Variants in FYTTD1 observed in about 807,000 individuals in gnomAD.
The protein encoded by FYTTD1 is UAP56-interacting factor.
FYTTD1 carries 22 observed loss-of-function variants against 40.9 expected under a neutral mutation model. The ratio of observed to expected loss-of-function variants is 0.54; its 90% CI spans 0.38 to 0.77. The LOEUF (loss-of-function observed/expected upper bound fraction) is 0.77. Among genes scored for constraint, FYTTD1 ranks in the 30% least tolerant of loss-of-function variants. The pLI is 0.00. For synonymous variants in FYTTD1, 140 were observed against 137.9 expected (o/e 1.01, Z -0.10); for missense variants, 351 against 392.2 (o/e 0.90, Z 0.89).
chr3:197,765,133 G>A (rs114729878), intron 2 of FYTTD1, among the ~76,000 whole-genome samples: 3 of 152,120 alleles, frequency 2.0e-5, no homozygotes, highest in South Asian at 2.1e-4. Context: ...AATTACAGGC[G>A]TGAGCCACGG....
At chr3:197,781,586 G>A (rs1304869141) in intron 8 of FYTTD1, among the ~76,000 whole-genome samples, 1 of 152,136 alleles carries the variant, frequency 6.6e-6, no homozygotes, top group East Asian at 1.9e-4. Context: ...AATTCAGATA[G>A]GGGCTTTGGG....
chr3:197,750,380 C>G (rs1389789016), intron 1 of FYTTD1: 5 of 1,098,402 alleles, frequency 4.6e-6, no homozygotes, highest in African/African-American at 3.3e-5. Flanking sequence ...CTCTTCTCCC[C>G]GGAGGGGCTA....
At chr3:197,752,338 G>C (rs183442917) in intron 1 of FYTTD1, among the ~76,000 whole-genome samples, 3 of 152,302 alleles carry the variant, frequency 2.0e-5, no homozygotes, top group Admixed American at 2.0e-4. Flanking sequence ...TCTGTAGAAA[G>C]GTGACAGTAA....
At chr3:197,780,547 T>A (rs1314778186) in intron 8 of FYTTD1, among the ~76,000 whole-genome samples, 4 of 140,020 alleles carry the variant, frequency 2.9e-5, no homozygotes, top group Non-Finnish European at 6.4e-5. Flanking sequence ...TAGGCATAGA[T>A]TTTTTTTTTT....
intron 6 of FYTTD1, among the ~76,000 whole-genome samples, chr3:197,774,752 G>T (rs541163231): frequency 2.1e-4 from 31 of 147,180 alleles, no homozygotes; most frequent in Non-Finnish European, 3.7e-4. Context: ...GTGCACACCA[G>T]CCTGAGCAGC....
At chr3:197,778,255 G>A in intron 7 of FYTTD1, 83 bp from the exon 8 acceptor site, 8 of 1,116,784 alleles carry the variant, frequency 7.2e-6, no homozygotes, top group Non-Finnish European at 1.0e-5. Context: ...TTGAACATGT[G>A]TACAAGATGT....
rs777959736 is a variant in FYTTD1, at chr3:197,778,440, T to C, written c.834T>C (p.Phe278=). Reference sequence around the variant, plus strand: ...TTCCTAAAGGTGTTCCCCTGCAGTTTGACATAAACAGTGTCGGAAAACAGG... The same window carrying C: ...TTCCTAAAGGTGTTCCCCTGCAGTTCGACATAAACAGTGTCGGAAAACAGG... ...KKVPKGVPLQ[F]DINSVGKQTG... Residue 278 remains phenylalanine (F), a synonymous_variant, in exon 8 of 9, where the codon TTT becomes TTC. Transcript: ENST00000241502. 98 of 1,608,286 alleles carry C rather than the reference T, an allele frequency of 6.1e-5. No homozygotes were observed. The highest frequency in any genetic ancestry group is 8.2e-5 in the Non-Finnish European group (96 of 1,176,854).
intron 4 of FYTTD1, among the ~76,000 whole-genome samples, chr3:197,771,802 A>G (rs1479750704): frequency 1.4e-5 from 2 of 147,478 alleles, no homozygotes; most frequent in African/African-American, 5.0e-5. Flanking sequence ...AAAAAATGCA[A>G]AAATTAGCCC....
At chr3:197,763,668 G>C (rs1014176460) in intron 2 of FYTTD1, 2 of 256,048 alleles carry the variant, frequency 7.8e-6, no homozygotes, top group Non-Finnish European at 1.6e-5. Flanking sequence ...TGAGAATGCT[G>C]TTCTTACTAG....
intron 4 of FYTTD1, 55 bp from the exon 5 acceptor site, chr3:197,773,348 A>T (rs1332068132): frequency 1.9e-6 from 2 of 1,064,878 alleles, no homozygotes; most frequent in Admixed American, 2.2e-5. Flanking sequence ...ATTTTTCCTC[A>T]AGATGTTTGA....
intron 1 of FYTTD1, chr3:197,750,766 G>A (rs1729001087): frequency 2.1e-5 from 21 of 985,414 alleles, no homozygotes; most frequent in Non-Finnish European, 2.5e-5. Context: ...AGCTAATGGG[G>A]GAGAAAGCAA....
At chr3:197,776,900 A>G (rs763392617) in intron 6 of FYTTD1, 27 bp from the exon 7 acceptor site, 2 of 1,488,506 alleles carry the variant, frequency 1.3e-6, no homozygotes, top group Middle Eastern at 1.7e-4. Flanking sequence ...ACATTTAATG[A>G]ATTTTTTTTA....
rs376413160 is a variant in FYTTD1 at position 197,749,947 on chromosome 3, C to G, written c.-25C>G. 1.6e-5 allele frequency: 24 copies of G among 1,513,878 alleles called. No individual in the cohort carries two copies. The highest frequency in any genetic ancestry group is 5.3e-5 in the East Asian group (2 of 37,540). 93.8% of individuals were successfully genotyped at this position (1,513,878 alleles called of 1,614,324 possible). ...CTGCGACTCCGGCCTTGTCCGCGCC[C>G]GCTCTCGGCGCGACGTCTCCAGCCA... On this transcript the variant is annotated 5_prime_UTR_variant, in exon 1 of 9. Coordinates refer to ENST00000241502, the MANE Select transcript of FYTTD1 (RefSeq NM_032288.7).
rs57992035 is a variant in FYTTD1, at chr3:197,767,076, CT to C, written c.236-1352del. 2.2e-3 allele frequency among the ~76,000 whole-genome samples: 325 copies of C among 145,796 alleles called. 2 individuals are homozygous for C. Among genetic ancestry groups the C allele is most frequent in the Middle Eastern group, 3.6e-3 (1 of 276 alleles). On this transcript the variant is annotated intron_variant, in intron 2 of 8. Transcript: ENST00000241502. ...ACATGTCTATTTTTTAATTTACCCC[CT>C]TTTTTTTTTTAACGGGCAGCCCCTG...
chr3:197,751,322 T>C (rs1384145324), intron 1 of FYTTD1, among the ~76,000 whole-genome samples: 1 of 152,186 alleles, frequency 6.6e-6, no homozygotes, highest in African/African-American at 2.4e-5. Context: ...GCCTTGCTGC[T>C]GGTTAGTAGT....
intron 2 of FYTTD1, among the ~76,000 whole-genome samples, chr3:197,765,266 C>G (rs1729511365): frequency 6.6e-6 from 1 of 152,096 alleles, no homozygotes; most frequent in African/African-American, 2.4e-5. Flanking sequence ...GTTCGTCCTC[C>G]TTTTAATCGT....
intron 5 of FYTTD1, 49 bp downstream of exon 5, chr3:197,773,548 C>A: frequency 1.3e-6 from 1 of 768,464 alleles, no homozygotes; most frequent in South Asian, 1.7e-5. Context: ...TGTTTTTTCC[C>A]AAAGAGGATC....
chr3:197,757,557 T>C (rs1436031753), intron 2 of FYTTD1, among the ~76,000 whole-genome samples: 1 of 152,206 alleles, frequency 6.6e-6, no homozygotes, highest in South Asian at 2.1e-4. Flanking sequence ...GGAGGATCAG[T>C]TGAATCCAGG....
chr3:197,768,613 T>G, intron 3 of FYTTD1, 26 bp downstream of exon 3: 1 of 1,584,376 alleles, frequency 6.3e-7, no homozygotes, highest in South Asian at 1.2e-5. Flanking sequence ...AATCCTGGAT[T>G]AGATATCCTT....
Sources: gnomAD v4.1 joint callset for allele counts (sites outside exome capture counted in the v4.1 genomes callset) on GRCh38, gnomAD v4.1.1 for gene constraint, MANE v1.5 for transcripts, NCBI Gene and HGNC (gene_info 2026-07-23, HGNC 2026-07-21) for gene names.